RPS6KA5: variants seen among roughly 807,000 people sequenced by gnomAD.
RPS6KA5 encodes ribosomal protein S6 kinase alpha-5.
RPS6KA5 carries 27 observed loss-of-function variants against 85.5 expected under a neutral mutation model. The observed-to-expected ratio is 0.32, with a 90% CI of 0.23 to 0.44. The LOEUF (loss-of-function observed/expected upper bound fraction) is 0.44. Among genes scored for constraint, RPS6KA5 ranks in the 20% least tolerant of loss-of-function variants. RPS6KA5 has a pLI of 1.00. For missense variants in RPS6KA5, 811 were observed against 980.9 expected, an observed-to-expected ratio of 0.83 and a Z score of 2.31; for synonymous variants, 334 against 348.2, an observed-to-expected ratio of 0.96 and a Z score of 0.46.
chr14:91,020,005 T>C (rs148567448), intron 1 of RPS6KA5, among the ~76,000 whole-genome samples: 44 of 152,310 alleles, frequency 2.9e-4, no homozygotes, highest in Non-Finnish European at 5.0e-4. Context: ...CTGTACAGCA[T>C]ATGACTGTAA....
intron 16 of RPS6KA5, among the ~76,000 whole-genome samples, chr14:90,873,029 G>A (rs1429038220): frequency 6.6e-6 from 1 of 152,198 alleles, no homozygotes; most frequent in Admixed American, 6.5e-5. Flanking sequence ...TGCTGAAGAA[G>A]CACTATCCCT....
rs184294339 is a variant in RPS6KA5 at position 90,869,791 on chromosome 14, C to T, written c.*2283G>A. ...ACTGCTTCAAACTTGGCATCAAATGCTGTCTTTTTGGTACTTATAAGTAGG... is the reference window on the plus strand; with the variant it reads ...ACTGCTTCAAACTTGGCATCAAATGTTGTCTTTTTGGTACTTATAAGTAGG... On this transcript the variant is annotated 3_prime_UTR_variant, in exon 17 of 17. Coordinates refer to ENST00000614987, the MANE Select transcript of RPS6KA5 (RefSeq NM_004755.4). The T allele has an allele frequency of 3.3e-5, 5 of 152,270 alleles. No individual in the cohort carries two copies. Among genetic ancestry groups the T allele is most frequent in the Non-Finnish European group, 5.9e-5 (4 of 68,018 alleles). 9.4% of individuals were successfully genotyped at this position (152,270 alleles called of 1,614,324 possible). A position where few individuals can be genotyped will look rare whatever the true frequency, so the allele number is the denominator to read the frequency against.
intron 1 of RPS6KA5, among the ~76,000 whole-genome samples, chr14:91,035,132 TA>T (rs988310005): frequency 1.3e-5 from 2 of 151,826 alleles, no homozygotes; most frequent in African/African-American, 4.8e-5. Context: ...GCTAAGCCTT[TA>T]AAAGTACACA....
intron 1 of RPS6KA5, among the ~76,000 whole-genome samples, chr14:91,044,389 GAAGGAAAGAAA>G (rs2042763390): frequency 1.9e-4 from 3 of 16,040 alleles, no homozygotes; most frequent in Non-Finnish European, 4.4e-4. Context: ...AAGAAAGAAA[GAAGGAAAGAAA>G]GAAAGAAAGA....
intron 5 of RPS6KA5, among the ~76,000 whole-genome samples, chr14:90,931,520 T>C (rs1238043959): frequency 6.6e-6 from 1 of 152,118 alleles, no homozygotes; most frequent in Non-Finnish European, 1.5e-5. Context: ...TGTTTTGTGT[T>C]TTTTTAACCA....
At chr14:90,994,430 CTCT>C (rs1214833432) in intron 2 of RPS6KA5, among the ~76,000 whole-genome samples, 3 of 151,880 alleles carry the variant, frequency 2.0e-5, no homozygotes, top group Non-Finnish European at 4.4e-5. Context: ...ACAATCAAAT[CTCT>C]TCTTAATTAA....
intron 1 of RPS6KA5, among the ~76,000 whole-genome samples, chr14:91,012,997 T>G (rs1318228896): frequency 1.3e-5 from 2 of 152,146 alleles, no homozygotes; most frequent in Non-Finnish European, 2.9e-5. Flanking sequence ...CATCCCCTTG[T>G]TTGCTCTACT....
rs1189550990 is a variant in RPS6KA5, at chr14:90,854,146, T to C, written c.*17928A>G. 3 of 149,222 alleles carry C rather than the reference T, an allele frequency of 2.0e-5. No homozygotes were observed. The highest frequency in any genetic ancestry group is 7.7e-5 in the African/African-American group (3 of 38,878). The allele number at this position is 149,222 out of a possible 1,614,324, so 9.2% of individuals were successfully genotyped here. On this transcript the variant is annotated 3_prime_UTR_variant, in exon 17 of 17. Transcript: ENST00000614987. ...CTAAGATATCTGTTTATATAGACTA[T>C]TGATGCAAACTAATTTTAAGTAATT... is the stretch of plus-strand genomic sequence containing the variant.
chr14:90,962,040 A>C (rs1024722290), intron 3 of RPS6KA5, among the ~76,000 whole-genome samples: 1 of 152,214 alleles, frequency 6.6e-6, no homozygotes, highest in African/African-American at 2.4e-5. Flanking sequence ...CATATAAAGG[A>C]CAATGCATAT....
At chr14:90,939,410 G>A (rs534947106) in intron 5 of RPS6KA5, among the ~76,000 whole-genome samples, 119 of 152,194 alleles carry the variant, frequency 7.8e-4, no homozygotes, top group Non-Finnish European at 9.1e-4. Context: ...TTCCAAAGTC[G>A]CTTCCACATT....
chr14:90,944,318 T>C (rs1595289145), intron 4 of RPS6KA5, among the ~76,000 whole-genome samples: 1 of 152,152 alleles, frequency 6.6e-6, no homozygotes, highest in Non-Finnish European at 1.5e-5. Flanking sequence ...CAAAATTGCA[T>C]ACAGAAAAAC....
intron 7 of RPS6KA5, among the ~76,000 whole-genome samples, chr14:90,915,160 G>A (rs2036043399): frequency 6.6e-6 from 1 of 152,118 alleles, no homozygotes; most frequent in Non-Finnish European, 1.5e-5. Context: ...GACTCCAAAA[G>A]CAACATATCT....
At position 90,918,337 on chromosome 14, in the gene RPS6KA5, T is replaced by C. The variant is rs947530905; in HGVS notation, c.806+1869A>G. Among the ~76,000 whole-genome samples, 7 of 152,350 alleles carry C rather than the reference T, an allele frequency of 4.6e-5. No individual in the cohort carries two copies. In the South Asian group the frequency reaches 1.4e-3, roughly 32 times the overall value. ...TTTGCCACCTACACATCTTCTCTGA[T>C]GAACTGTCTGTTCAAATTTTTTGCC... On this transcript the variant is annotated intron_variant, in intron 7 of 16. Transcript: ENST00000614987.
At position 90,852,145 on chromosome 14, in the gene RPS6KA5, A is replaced by T. The variant is rs2032031544; in HGVS notation, c.*19929T>A. ...CGCTCTGTCGCCCAGGCTGGAGTGC[A>T]GTGGTGTGGTGCGATCTTGGCTCAC... On this transcript the variant is annotated 3_prime_UTR_variant, in exon 17 of 17. Transcript: ENST00000614987. 8.1e-6 allele frequency: 1 copy of T among 123,418 alleles called. No individual in the cohort carries two copies. The highest frequency in any genetic ancestry group is 1.6e-5 in the Non-Finnish European group (1 of 63,392). The allele number at this position is 123,418 out of a possible 1,614,324, so 7.6% of individuals were successfully genotyped here.
chr14:90,854,929 T>A lies in RPS6KA5; in HGVS notation c.*17145A>T, dbSNP rs1362329776. ...CAATATAAATTCTTCACATAAAGAT[T>A]TTATGTAAAACACTCTGCAGTTAGA... On this transcript the variant is annotated 3_prime_UTR_variant, in exon 17 of 17. Coordinates refer to ENST00000614987, the MANE Select transcript of RPS6KA5 (RefSeq NM_004755.4). 1 of 152,202 alleles carries A rather than the reference T, an allele frequency of 6.6e-6. No individual in the cohort carries two copies. The highest frequency in any genetic ancestry group is 1.5e-5 in the Non-Finnish European group (1 of 68,024). 9.4% of individuals were successfully genotyped at this position (152,202 alleles called of 1,614,324 possible). A position where few individuals can be genotyped will look rare whatever the true frequency, so the allele number is the denominator to read the frequency against.
At chr14:91,004,179 G>A (rs1219024108) in intron 1 of RPS6KA5, among the ~76,000 whole-genome samples, 1 of 152,090 alleles carries the variant, frequency 6.6e-6, no homozygotes, top group Non-Finnish European at 1.5e-5. Context: ...TCCGCCTCCC[G>A]GGTTCACGCC....
intron 5 of RPS6KA5, among the ~76,000 whole-genome samples, chr14:90,938,275 G>C (rs1356547446): frequency 3.9e-5 from 6 of 152,234 alleles, no homozygotes; most frequent in African/African-American, 7.2e-5. Context: ...GGCTCCCATA[G>C]CCTTGGGCAG....
intron 14 of RPS6KA5, among the ~76,000 whole-genome samples, chr14:90,890,112 C>T (rs1305366483): frequency 6.6e-6 from 1 of 152,134 alleles, no homozygotes; most frequent in East Asian, 1.9e-4. Flanking sequence ...TCTGTAATTA[C>T]ATTTTAGTCT....
intron 9 of RPS6KA5, 68 bp downstream of exon 9, chr14:90,902,740 T>C: frequency 7.0e-7 from 1 of 1,432,552 alleles, no homozygotes; most frequent in South Asian, 1.4e-5. Flanking sequence ...TACTTCAATA[T>C]GGGAAATTTA....
Sources: gnomAD v4.1 joint callset for allele counts (sites outside exome capture counted in the v4.1 genomes callset) on GRCh38, gnomAD v4.1.1 for gene constraint, MANE v1.5 for transcripts, NCBI Gene and HGNC (gene_info 2026-07-23, HGNC 2026-07-21) for gene names.